PIK3C2B: variants seen among roughly 807,000 people sequenced by gnomAD.
PIK3C2B encodes phosphatidylinositol 4-phosphate 3-kinase C2 domain-containing subunit beta.
PIK3C2B carries 83 observed loss-of-function variants against 184.3 expected under a neutral mutation model. The ratio of observed to expected loss-of-function variants is 0.45; its 90% CI spans 0.38 to 0.54. The LOEUF (loss-of-function observed/expected upper bound fraction) is 0.54, where lower values mean the gene tolerates loss of function less well. Among genes scored for constraint, PIK3C2B ranks in the 20% least tolerant of loss-of-function variants. PIK3C2B has a pLI of 0.00. For missense variants in PIK3C2B, 1,736 were observed against 2,113.5 expected (o/e 0.82, Z 3.50); for synonymous variants, 779 against 837.6 (o/e 0.93, Z 1.21).
chr1:204,430,403 T>C (rs1227716444), intron 28 of PIK3C2B, among the ~76,000 whole-genome samples: 1 of 151,770 alleles, frequency 6.6e-6, no homozygotes, highest in Non-Finnish European at 1.5e-5. Flanking sequence ...GGGAGTACAG[T>C]GGCGCAATCT....
rs769446843 is a variant in PIK3C2B at position 204,434,478 on chromosome 1, C to T, written c.3647G>A (p.Arg1216His). Residue 1216 changes from arginine (R) to histidine (H), a missense_variant, in exon 24 of 33, where the codon CGC becomes CAC. Physicochemically the swap from Arg to His is conservative, Grantham distance 29. Transcript: ENST00000684373. ...AAACATCTGGGCATGGCCCAGGAAG[C>T]GGCCAAAATCAATGTGGAACATGTG... The part of the protein sequence containing the change: ...TGHMFHIDFG[R>H]FLGHAQMFGN... The T allele has an allele frequency of 7.4e-6, 12 of 1,614,110 alleles. No homozygotes were observed. Among genetic ancestry groups the T allele is most frequent in the Admixed American group, 1.7e-5 (1 of 60,022 alleles).
At chr1:204,430,856 G>A (rs951839455) in intron 28 of PIK3C2B, among the ~76,000 whole-genome samples, 3 of 152,060 alleles carry the variant, frequency 2.0e-5, no homozygotes, top group Admixed American at 2.0e-4. Flanking sequence ...GTTTCACCAT[G>A]TTGGCCAGGC....
chr1:204,441,936 G>A (rs1315449515), intron 20 of PIK3C2B, among the ~76,000 whole-genome samples: 1 of 152,120 alleles, frequency 6.6e-6, no homozygotes, highest in Admixed American at 6.6e-5. Flanking sequence ...AAGATGAAAT[G>A]CCATAACCAA....
Position 204,468,520 on chromosome 1 carries a change from G to A in PIK3C2B, c.933+350C>T, listed in dbSNP as rs553312948. On this transcript the variant is annotated intron_variant, in intron 2 of 32. Transcript: ENST00000684373. Reference sequence around the variant, plus strand: ...AGCGGAAGCAACTTGCTCCGGTCCAGAGGGCCATTCAGCCAGTCAATAATG... The same window carrying A: ...AGCGGAAGCAACTTGCTCCGGTCCAAAGGGCCATTCAGCCAGTCAATAATG... 2.0e-5 allele frequency among the ~76,000 whole-genome samples: 3 copies of A among 152,332 alleles called. No homozygotes were observed. In the South Asian group the frequency reaches 6.2e-4, roughly 32 times the overall value.
chr1:204,443,989 G>T, intron 18 of PIK3C2B, 79 bp downstream of exon 18: 5 of 990,736 alleles, frequency 5.0e-6, no homozygotes, highest in Non-Finnish European at 8.1e-6. Context: ...TCAGTTCCTT[G>T]CCCTTGCGTG....
intron 7 of PIK3C2B, among the ~76,000 whole-genome samples, 185 bp downstream of exon 7, chr1:204,460,139 A>G (rs1417519970): frequency 6.6e-6 from 1 of 152,250 alleles, no homozygotes; most frequent in Non-Finnish European, 1.5e-5. Context: ...GAATGATGGC[A>G]AAGTTCCAGA....
intron 22 of PIK3C2B, 34 bp downstream of exon 22, chr1:204,440,158 C>A (rs773403699): frequency 6.3e-7 from 1 of 1,588,020 alleles, no homozygotes; most frequent in Non-Finnish European, 8.6e-7. Context: ...CAAAGCGGTC[C>A]CCTCCTCCAC....
chr1:204,459,531 T>C (rs1171014733), intron 8 of PIK3C2B, among the ~76,000 whole-genome samples: 1 of 152,176 alleles, frequency 6.6e-6, no homozygotes, highest in East Asian at 1.9e-4. Flanking sequence ...TTTCTGACAT[T>C]GCTCATAGGA....
At chr1:204,434,696 G>T (rs563130074) in intron 23 of PIK3C2B, 88 bp from the exon 24 acceptor site, 1 of 1,038,864 alleles carries the variant, frequency 9.6e-7, no homozygotes, top group Non-Finnish European at 1.4e-6. Flanking sequence ...AACTCAGCCA[G>T]CCCTGGCCTC....
intron 4 of PIK3C2B, 67 bp downstream of exon 4, chr1:204,464,383 T>TC (rs11455991): frequency 0.98 from 1,448,348 of 1,471,112 alleles, 715,286 homozygotes; most frequent in East Asian, 1. Context: ...GGAAATCGAG[T>TC]CAAAACACAG....
chr1:204,429,123 G>GA (rs1198234327), intron 29 of PIK3C2B, among the ~76,000 whole-genome samples: 2 of 152,110 alleles, frequency 1.3e-5, no homozygotes, highest in African/African-American at 4.8e-5. Context: ...AGCTACTCAG[G>GA]AGACTGAGGT....
chr1:204,462,979 C>T (rs1295096818), intron 5 of PIK3C2B, among the ~76,000 whole-genome samples: 1 of 152,110 alleles, frequency 6.6e-6, no homozygotes. Context: ...ATCGCTTGAG[C>T]CTGGGAGACG....
intron 23 of PIK3C2B, 117 bp from the exon 24 acceptor site, chr1:204,434,725 C>T (rs1675250435): frequency 5.6e-6 from 4 of 712,774 alleles, no homozygotes; most frequent in Non-Finnish European, 9.3e-6. Flanking sequence ...CTGTGAACCC[C>T]AATAGTGTCT....
intron 23 of PIK3C2B, among the ~76,000 whole-genome samples, chr1:204,436,938 T>C (rs1390039399): frequency 6.6e-6 from 1 of 152,066 alleles, no homozygotes; most frequent in Non-Finnish European, 1.5e-5. Flanking sequence ...TGGCAGAGTT[T>C]TGAGGAATGA....
At chr1:204,470,838 C>T (rs551563821) in intron 1 of PIK3C2B, among the ~76,000 whole-genome samples, 110 of 152,334 alleles carry the variant, frequency 7.2e-4, no homozygotes, top group Non-Finnish European at 1.4e-3. Context: ...AATAACAAGG[C>T]TAATCTTAAA....
At position 204,472,443 on chromosome 1, in the gene PIK3C2B, G is replaced by A. The variant is rs181880904; in HGVS notation, c.-84-2557C>T. ...CTCCCAAAGTTCTGGGATTACAGGC[G>A]TGAGCCACCGCACCCGGCCCGACTG... On this transcript the variant is annotated intron_variant, in intron 1 of 32. Coordinates refer to ENST00000684373, the MANE Select transcript of PIK3C2B (RefSeq NM_001377334.1). Among the ~76,000 whole-genome samples the A allele has an allele frequency of 3.2e-3, 481 of 151,818 alleles. 1 individual carries two copies. The highest frequency in any genetic ancestry group is 0.011 in the African/African-American group (463 of 41,488).
At chr1:204,462,746 T>A (rs1324867314) in intron 5 of PIK3C2B, among the ~76,000 whole-genome samples, 1 of 152,048 alleles carries the variant, frequency 6.6e-6, no homozygotes, top group Non-Finnish European at 1.5e-5. Context: ...CCCCACAATA[T>A]CCTTAAATTT....
intron 12 of PIK3C2B, among the ~76,000 whole-genome samples, chr1:204,450,621 G>A (rs1326620421): frequency 6.6e-6 from 1 of 152,030 alleles, no homozygotes; most frequent in Non-Finnish European, 1.5e-5. Context: ...AAAGCCAAAG[G>A]GACAAAGAGG....
intron 1 of PIK3C2B, among the ~76,000 whole-genome samples, chr1:204,471,882 C>T (rs779542107): frequency 3.3e-5 from 5 of 152,196 alleles, no homozygotes; most frequent in Non-Finnish European, 4.4e-5. Context: ...TCCCAAAATA[C>T]ACCAATATAT....
Sources: allele counts gnomAD v4.1 joint callset (sites outside exome capture counted in the v4.1 genomes callset), GRCh38; gene constraint gnomAD v4.1.1; transcripts MANE v1.5; gene names NCBI Gene and HGNC (gene_info 2026-07-23, HGNC 2026-07-21).